CNBD1: variants seen among roughly 807,000 people sequenced by gnomAD.
CNBD1 encodes the protein cyclic nucleotide binding domain containing 1, also known as cyclic nucleotide-binding domain-containing protein 1.
Under a neutral mutation model 54.4 loss-of-function variants are expected in CNBD1, and 71 were observed. The ratio of observed to expected loss-of-function variants is 1.30; its 90% CI spans 1.08 to 1.59. The LOEUF (loss-of-function observed/expected upper bound fraction) is 1.59. Ranked by LOEUF, CNBD1 falls within the 40% of genes most tolerant of loss-of-function variation. The pLI is 0.00. For synonymous variants in CNBD1, 182 were observed against 170.7 expected (o/e 1.07, Z -0.51); for missense variants, 659 against 518.0 (o/e 1.27, Z -2.64).
chr8:86,872,508 T>C (rs1808456180), intron 1 of CNBD1, among the ~76,000 whole-genome samples: 2 of 152,206 alleles, frequency 1.3e-5, no homozygotes, highest in South Asian at 4.1e-4. Flanking sequence ...GGAACTTTCA[T>C]ACTGCTTTCC....
intron 2 of CNBD1, among the ~76,000 whole-genome samples, chr8:87,424,841 G>A (rs1191127848): frequency 6.6e-6 from 1 of 152,046 alleles, no homozygotes; most frequent in African/African-American, 2.4e-5. Flanking sequence ...GGCATTCTCT[G>A]TATTTCCTGA....
intron 6 of CNBD1, among the ~76,000 whole-genome samples, chr8:87,246,653 T>C (rs1807812165): frequency 3.3e-5 from 5 of 152,114 alleles, no homozygotes; most frequent in Admixed American, 3.3e-4. Context: ...TTCCATCCTG[T>C]CCCTTTTAGA....
intron 2 of CNBD1, among the ~76,000 whole-genome samples, chr8:87,388,367 G>C (rs1439216574): frequency 1.0e-5 from 1 of 97,972 alleles, no homozygotes; most frequent in Non-Finnish European, 2.0e-5. Context: ...AAAGACTAAT[G>C]AAGAAAAAAG....
intron 4 of CNBD1, among the ~76,000 whole-genome samples, chr8:87,006,942 A>G (rs1809113129): frequency 6.6e-6 from 1 of 152,230 alleles, no homozygotes; most frequent in Admixed American, 6.5e-5. Flanking sequence ...CACGCCTGTA[A>G]TCCCAGGACT....
chr8:86,902,064 T>G (rs888708134), intron 2 of CNBD1, among the ~76,000 whole-genome samples: 35 of 152,262 alleles, frequency 2.3e-4, no homozygotes, highest in African/African-American at 7.7e-4. Flanking sequence ...CATCATTTCC[T>G]TATCCATAAA....
intron 4 of CNBD1, among the ~76,000 whole-genome samples, chr8:87,152,909 C>G (rs771260453): frequency 2.6e-5 from 4 of 152,012 alleles, no homozygotes; most frequent in Non-Finnish European, 5.9e-5. Flanking sequence ...GCTTTTAACC[C>G]AGAAATTCCT....
At chr8:87,385,829 T>C (rs1378711976), downstream of CNBD1, among the ~76,000 whole-genome samples, 7 of 152,068 alleles carry the variant, frequency 4.6e-5, no homozygotes, top group Non-Finnish European at 7.4e-5. Flanking sequence ...CTCAAGTGGG[T>C]CCCTGACCCC....
At position 86,921,335 on chromosome 8, in the gene CNBD1, C is replaced by T. The variant is rs529022185; in HGVS notation, c.272+16141C>T. On this transcript the variant is annotated intron_variant, in intron 3 of 10. Coordinates refer to ENST00000518476, the MANE Select transcript of CNBD1 (RefSeq NM_173538.3). ...GCTCCAAGGTCTGTTGAATGAGATGCTCCTTGTGTTTTTTTTTAAGTCAGC... is the reference window on the plus strand; with the variant it reads ...GCTCCAAGGTCTGTTGAATGAGATGTTCCTTGTGTTTTTTTTTAAGTCAGC... Among the ~76,000 whole-genome samples, 26 of 151,660 alleles carry T rather than the reference C, an allele frequency of 1.7e-4. 1 individual carries two copies. The Middle Eastern group carries it at 0.02, about 119-fold the overall frequency.
At position 87,402,525 on chromosome 8, in the gene CNBD1, A is replaced by G. The variant is rs1044293555; in HGVS notation, c.214-26021A>G. On this transcript the variant is annotated intron_variant, in intron 2 of 7. Transcript: ENST00000521593. ...ATAGGTTTTCTTTTAACTATAGCTG[A>G]GATGGACATAAGGACCGAGCATGAG... Among the ~76,000 whole-genome samples, 8 of 152,190 alleles carry G rather than the reference A, an allele frequency of 5.3e-5. No homozygotes were observed. In the East Asian group the frequency reaches 1.5e-3, roughly 29 times the overall value.
intron 8 of CNBD1, among the ~76,000 whole-genome samples, chr8:87,289,935 C>T (rs1404374495): frequency 6.6e-6 from 1 of 152,018 alleles, no homozygotes; most frequent in South Asian, 2.1e-4. Flanking sequence ...CCTTTTTATT[C>T]CTTCATTCAT....
intron 4 of CNBD1, among the ~76,000 whole-genome samples, chr8:87,110,417 C>T (rs1333553585): frequency 1.3e-5 from 2 of 152,140 alleles, no homozygotes; most frequent in African/African-American, 4.8e-5. Flanking sequence ...TTCTGCATCA[C>T]CTAATGAATG....
intron 8 of CNBD1, among the ~76,000 whole-genome samples, chr8:87,301,616 G>C (rs563565180): frequency 6.6e-6 from 1 of 151,796 alleles, no homozygotes; most frequent in African/African-American, 2.4e-5. Flanking sequence ...CACATAAACA[G>C]AATTAAAAAC....
intron 8 of CNBD1, among the ~76,000 whole-genome samples, chr8:87,344,931 A>G (rs781554356): frequency 3.3e-5 from 5 of 152,178 alleles, no homozygotes; most frequent in Non-Finnish European, 7.4e-5. Flanking sequence ...CTGGTTAACT[A>G]GAATGTATGA....
chr8:86,951,831 T>A (rs1807633427), intron 4 of CNBD1, among the ~76,000 whole-genome samples: 1 of 151,966 alleles, frequency 6.6e-6, no homozygotes, highest in African/African-American at 2.4e-5. Flanking sequence ...GATTCCCAAA[T>A]CACTAAGCCA....
At chr8:87,160,485 A>G (rs1812833904) in intron 4 of CNBD1, among the ~76,000 whole-genome samples, 1 of 152,150 alleles carries the variant, frequency 6.6e-6, no homozygotes, top group African/African-American at 2.4e-5. Flanking sequence ...GTAGCATTTG[A>G]CATAAAGGTC....
chr8:87,156,749 G>A (rs1812751365), intron 4 of CNBD1, among the ~76,000 whole-genome samples: 1 of 152,008 alleles, frequency 6.6e-6, no homozygotes, highest in African/African-American at 2.4e-5. Context: ...AAAACCACAG[G>A]GCTCTCATTC....
chr8:87,008,359 G>T (rs1809144954), intron 4 of CNBD1, among the ~76,000 whole-genome samples: 1 of 152,134 alleles, frequency 6.6e-6, no homozygotes, highest in Non-Finnish European at 1.5e-5. Context: ...CACTAAATAT[G>T]GGAATCTGGA....
At chr8:87,147,927 T>C (rs1185567124) in intron 4 of CNBD1, among the ~76,000 whole-genome samples, 1 of 152,152 alleles carries the variant, frequency 6.6e-6, no homozygotes, top group Non-Finnish European at 1.5e-5. Flanking sequence ...TTCATATCTT[T>C]AGTATAAATT....
intron 8 of CNBD1, among the ~76,000 whole-genome samples, chr8:87,303,621 GC>G (rs1044272527): frequency 4.0e-5 from 6 of 149,692 alleles, no homozygotes; most frequent in Admixed American, 4.0e-4. Context: ...GACAACAAAA[GC>G]CAAAATTGAC....
Sources: gnomAD v4.1 joint callset for allele counts (sites outside exome capture counted in the v4.1 genomes callset) on GRCh38, gnomAD v4.1.1 for gene constraint, MANE v1.5 for transcripts, NCBI Gene and HGNC (gene_info 2026-07-23, HGNC 2026-07-21) for gene names.